SLC5A10: variants seen among roughly 807,000 people sequenced by gnomAD.
The protein encoded by SLC5A10 is solute carrier family 5 member 10.
A neutral mutation model predicts 68.9 loss-of-function variants in SLC5A10; 55 were observed. The observed-to-expected ratio is 0.80, with a 90% CI of 0.64 to 1.00. The LOEUF is 1.00. Among genes scored for constraint, SLC5A10 ranks in the 50% least tolerant of loss-of-function variants. The probability of loss-of-function intolerance (pLI) is 0.00; values close to 1 mark genes in which losing one functional copy is unlikely to be tolerated. For synonymous variants in SLC5A10, 344 were observed against 344.8 expected (o/e 1.00, Z 0.02); for missense variants, 732 against 819.3 (o/e 0.89, Z 1.30).
At chr17:18,953,264 C>G (rs2042413203) in intron 1 of SLC5A10, among the ~76,000 whole-genome samples, 1 of 151,610 alleles carries the variant, frequency 6.6e-6, no homozygotes, top group African/African-American at 2.4e-5. Context: ...TCCTGAGTAG[C>G]TGGGATTACA....
chr17:18,961,443 AG>A, intron 5 of SLC5A10, among the ~76,000 whole-genome samples: 1 of 151,588 alleles, frequency 6.6e-6, no homozygotes, highest in South Asian at 2.1e-4. Context: ...CCTTGTAAGG[AG>A]GGGCGGCAGA....
chr17:18,971,625 G>A lies in SLC5A10; in HGVS notation c.846+407G>A. The A allele has an allele frequency of 6.2e-7, 1 of 1,613,518 alleles. No homozygotes were observed. Among genetic ancestry groups the A allele is most frequent in the Non-Finnish European group, 8.5e-7 (1 of 1,180,000 alleles). ...CAGTGGTGGGGGCCAGCCATGGCTG[G>A]GCCAGCGTTTCTGGTAGAGCTCTGG... On this transcript the variant is annotated intron_variant, in intron 8 of 14. Coordinates refer to ENST00000395645, the MANE Select transcript of SLC5A10 (RefSeq NM_001042450.4). This position sits in a 1 kb window ranked among gnomAD's most constrained non-coding sequence, Gnocchi z 5.5.
Position 18,996,030 on chromosome 17 carries a change from CAGAAG to C in SLC5A10, c.983-17375_983-17371del, listed in dbSNP as rs970978405. Among the ~76,000 whole-genome samples, 4 of 151,184 alleles carry C rather than the reference CAGAAG, an allele frequency of 2.6e-5. No individual in the cohort carries two copies. Among genetic ancestry groups the C allele is most frequent in the African/African-American group, 9.7e-5 (4 of 41,096 alleles). ...TAACAAAGAGAGCGTTAAAAACAAC[CAGAAG>C]AGAAAAGACAACTGCATGTCAAGGA... On this transcript the variant is annotated intron_variant, in intron 9 of 14. Transcript: ENST00000395645. This position sits in a 1 kb window ranked among gnomAD's most constrained non-coding sequence, Gnocchi z 4.4.
At chr17:19,020,295 C>T (rs773918461) in intron 14 of SLC5A10, 30 bp from the exon 15 acceptor site, 7 of 1,613,500 alleles carry the variant, frequency 4.3e-6, no homozygotes, top group African/African-American at 2.7e-5. Flanking sequence ...TGTCCTTCAT[C>T]TGTCCCTCTC....
At chr17:18,951,054 T>C (rs1415813119), upstream of SLC5A10, among the ~76,000 whole-genome samples, 1 of 152,244 alleles carries the variant, frequency 6.6e-6, no homozygotes, top group East Asian at 1.9e-4. Flanking sequence ...TCAGGGTTAT[T>C]GAGTAACAGG....
At chr17:19,002,208 A>G (rs1324517449) in intron 9 of SLC5A10, among the ~76,000 whole-genome samples, 1 of 152,086 alleles carries the variant, frequency 6.6e-6, no homozygotes, top group Non-Finnish European at 1.5e-5. Context: ...TTTTATCCAC[A>G]CCACCTCCAT....
At position 19,019,555 on chromosome 17, in the gene SLC5A10, T is replaced by C; in HGVS notation, c.1374T>C (p.Phe458=). The C allele has an allele frequency of 1.2e-6, 2 of 1,612,274 alleles. No homozygotes were observed. The highest frequency in any genetic ancestry group is 8.5e-7 in the Non-Finnish European group (1 of 1,179,964). ...TGGCCCCACCAGTGACTGCAGTCTTTGTCCTGGGCGTCTTCTGGCGACGTG... is the reference window on the plus strand; with the variant it reads ...TGGCCCCACCAGTGACTGCAGTCTTCGTCCTGGGCGTCTTCTGGCGACGTG... ...SSLAPPVTAV[F]VLGVFWRRAN... Residue 458 remains phenylalanine (F), a synonymous_variant, in exon 12 of 15, where the codon TTT becomes TTC. Coordinates refer to ENST00000395645, the MANE Select transcript of SLC5A10 (RefSeq NM_001042450.4).
chr17:19,007,193 ATTTTTTTT>A (rs36006919), intron 9 of SLC5A10, among the ~76,000 whole-genome samples: 14 of 133,688 alleles, frequency 1.0e-4, no homozygotes, highest in Admixed American at 6.9e-4. Flanking sequence ...TGTTACCGCT[ATTTTTTTT>A]TTTTTTTTTG....
chr17:18,960,430 T>C, intron 4 of SLC5A10, 118 bp from the exon 5 acceptor site: 1 of 920,702 alleles, frequency 1.1e-6, no homozygotes, highest in Non-Finnish European at 1.7e-6. Context: ...GCCTTGCCCT[T>C]GAGAGGCTCG....
chr17:19,002,380 G>A (rs2043753009), intron 9 of SLC5A10, among the ~76,000 whole-genome samples: 1 of 152,222 alleles, frequency 6.6e-6, no homozygotes, highest in Non-Finnish European at 1.5e-5. Context: ...CCAGGGCCAG[G>A]GGCCACCTCA....
At chr17:18,984,105 G>A (rs2043204395) in intron 9 of SLC5A10, among the ~76,000 whole-genome samples, 1 of 152,160 alleles carries the variant, frequency 6.6e-6, no homozygotes, top group Admixed American at 6.5e-5. Context: ...CACTTTGGGA[G>A]GCCGAGGCGG....
At chr17:18,961,590 A>G (rs1206103866) in intron 5 of SLC5A10, among the ~76,000 whole-genome samples, 2 of 152,192 alleles carry the variant, frequency 1.3e-5, no homozygotes, top group African/African-American at 4.8e-5. Flanking sequence ...GGCCCTCTTC[A>G]TTCAGTCCTG....
chr17:18,979,318 C>A, intron 9 of SLC5A10: 1 of 590,360 alleles, frequency 1.7e-6, no homozygotes, highest in Non-Finnish European at 2.9e-6. Flanking sequence ...TGGCCACACC[C>A]CACCTCCAGG....
intron 4 of SLC5A10, 72 bp downstream of exon 4, chr17:18,959,735 A>G (rs2042574770): frequency 7.1e-7 from 1 of 1,416,146 alleles, no homozygotes; most frequent in African/African-American, 1.4e-5. Context: ...AATGGGCAGG[A>G]CCACCGTGGC....
rs145838566 is a variant in SLC5A10 at position 19,022,066 on chromosome 17, C to G, written c.*1635C>G. 1.3e-6 allele frequency: 2 copies of G among 1,592,750 alleles called. No individual in the cohort carries two copies. The highest frequency in any genetic ancestry group is 2.7e-5 in the African/African-American group (2 of 74,196). On this transcript the variant is annotated 3_prime_UTR_variant, in exon 15 of 15. Transcript: ENST00000395645. ...GGGCGCTCCAGGACCTCAATGATGT[C>G]GCCACGGCGGAAGCTGAGCTGCGAG...
chr17:18,999,855 G>C (rs1382790602), intron 9 of SLC5A10, among the ~76,000 whole-genome samples: 4 of 152,256 alleles, frequency 2.6e-5, no homozygotes, highest in African/African-American at 4.8e-5. Flanking sequence ...CCTCAACTGT[G>C]AAATAAGGAA....
chr17:19,017,621 A>T lies in SLC5A10; in HGVS notation c.1242-1802A>T. 2.0e-6 allele frequency: 1 copy of T among 497,058 alleles called. No individual in the cohort carries two copies. The highest frequency in any genetic ancestry group is 3.6e-6 in the Non-Finnish European group (1 of 278,578). 30.8% of individuals were successfully genotyped at this position (497,058 alleles called of 1,614,324 possible). A position where few individuals can be genotyped will look rare whatever the true frequency, so the allele number is the denominator to read the frequency against. ...TCCCGTATGCCTGCCCCAAGCCCCC[A>T]CACCTCAGTCCACTGTTCCGCCACT... On this transcript the variant is annotated intron_variant, in intron 11 of 14. Transcript: ENST00000395645. This position sits in a 1 kb window ranked among gnomAD's most constrained non-coding sequence, Gnocchi z 5.6.
At position 18,961,578 on chromosome 17, in the gene SLC5A10, T is replaced by C. The variant is rs372076260; in HGVS notation, c.453+926T>C. Among the ~76,000 whole-genome samples the C allele has an allele frequency of 1.6e-4, 24 of 152,302 alleles. 1 individual carries two copies. The East Asian group carries it at 2.1e-3, about 13-fold the overall frequency. On this transcript the variant is annotated intron_variant, in intron 5 of 14. Coordinates refer to ENST00000395645, the MANE Select transcript of SLC5A10 (RefSeq NM_001042450.4). Reference sequence around the variant, plus strand: ...TTTCCCTCAGAGGCAAATGGCCTCCTGGGCCCTCTTCATTCAGTCCTGGGA... The same window carrying C: ...TTTCCCTCAGAGGCAAATGGCCTCCCGGGCCCTCTTCATTCAGTCCTGGGA...
chr17:18,998,186 G>T (rs899913061), intron 9 of SLC5A10, among the ~76,000 whole-genome samples: 1 of 152,268 alleles, frequency 6.6e-6, no homozygotes, highest in African/African-American at 2.4e-5. Flanking sequence ...GGCCAACGTG[G>T]GCCAGGGCAC....
Sources: allele counts gnomAD v4.1 joint callset (sites outside exome capture counted in the v4.1 genomes callset), GRCh38; gene constraint gnomAD v4.1.1; non-coding constraint Gnocchi (gnomAD v3.1); transcripts MANE v1.5; gene names NCBI Gene and HGNC (gene_info 2026-07-23, HGNC 2026-07-21).